SIMC1: variants seen among roughly 807,000 people sequenced by gnomAD.
SIMC1 encodes the protein SUMO-interacting motif-containing protein 1.
A neutral mutation model predicts 82.3 loss-of-function variants in SIMC1; 55 were observed. The ratio of observed to expected loss-of-function variants is 0.67; its 90% CI spans 0.54 to 0.84. The LOEUF (loss-of-function observed/expected upper bound fraction) is 0.84. Among genes scored for constraint, SIMC1 ranks in the 40% least tolerant of loss-of-function variants. SIMC1 has a pLI of 0.00. For synonymous variants in SIMC1, 353 were observed against 426.3 expected (o/e 0.83, Z 2.12); for missense variants, 915 against 1,107.2 (o/e 0.83, Z 2.46).
intron 1 of SIMC1, among the ~76,000 whole-genome samples, chr5:176,262,437 G>A (rs1242890439): frequency 2.6e-5 from 4 of 152,004 alleles, no homozygotes; most frequent in Admixed American, 2.0e-4. Flanking sequence ...AGGCAAGGAT[G>A]TCTCCTCACT....
chr5:176,288,565 G>A (rs74660010), intron 1 of SIMC1, among the ~76,000 whole-genome samples: 1 of 152,080 alleles, frequency 6.6e-6, no homozygotes, highest in Non-Finnish European at 1.5e-5. Context: ...TTGCCATTGA[G>A]AGCCAAGCCA....
intron 4 of SIMC1, among the ~76,000 whole-genome samples, chr5:176,304,074 ACTT>A (rs1764163836): frequency 6.6e-6 from 1 of 152,238 alleles, no homozygotes; most frequent in African/African-American, 2.4e-5. Context: ...AAACTTCAGA[ACTT>A]CTGTGCATCA....
rs144012095 is a variant in SIMC1 at position 176,315,146 on chromosome 5, C to T, written c.1889+1301C>T. 1.3e-3 allele frequency among the ~76,000 whole-genome samples: 193 copies of T among 152,258 alleles called. 1 individual carries two copies. Among genetic ancestry groups the T allele is most frequent in the African/African-American group, 4.5e-3 (187 of 41,534 alleles). ...AGAGGTTTATTGGCTTACAATTCTA[C>T]AAGTTGTACAAGAAGCGTGGCTCCA... On this transcript the variant is annotated intron_variant, in intron 5 of 9. Transcript: ENST00000429602.
intron 1 of SIMC1, among the ~76,000 whole-genome samples, chr5:176,287,688 T>A (rs891740985): frequency 4.2e-5 from 6 of 142,434 alleles, no homozygotes; most frequent in Non-Finnish European, 6.2e-5. Flanking sequence ...CTTAAAAAAA[T>A]AAAATAAATT....
intron 9 of SIMC1, among the ~76,000 whole-genome samples, chr5:176,338,499 T>C (rs1234709552): frequency 1.3e-5 from 2 of 152,142 alleles, no homozygotes; most frequent in African/African-American, 2.4e-5. Flanking sequence ...GGTAAAACTT[T>C]AGTAGATTAG....
rs1420335942 is a variant in SIMC1 at position 176,240,937 on chromosome 5, G to A, written c.129+2300G>A. On this transcript the variant is annotated intron_variant, in intron 1 of 9. Transcript: ENST00000429602. ...ACTTTTTGTGTTGTTTCTAAGCCCA[G>A]GCCTGTCCCTCTTGAGCTTCACAGG... Among the ~76,000 whole-genome samples, 3 of 89,882 alleles carry A rather than the reference G, an allele frequency of 3.3e-5. 1 individual carries two copies. Among genetic ancestry groups the A allele is most frequent in the South Asian group, 6.8e-4 (2 of 2,946 alleles). The allele number at this position is 89,882 out of a possible 152,430, so 59.0% of individuals were successfully genotyped here.
chr5:176,246,262 G>A (rs1412692227), intron 1 of SIMC1, among the ~76,000 whole-genome samples: 10 of 151,806 alleles, frequency 6.6e-5, no homozygotes, highest in African/African-American at 2.4e-4. Flanking sequence ...CACCCACCTC[G>A]ACCTCCCAAA....
At chr5:176,265,239 A>G (rs1762156139) in intron 1 of SIMC1, among the ~76,000 whole-genome samples, 1 of 150,728 alleles carries the variant, frequency 6.6e-6, no homozygotes, top group African/African-American at 2.4e-5. Context: ...CTTCAGGAGT[A>G]TAGCCAACTT....
intron 4 of SIMC1, among the ~76,000 whole-genome samples, chr5:176,309,815 C>T (rs1045287891): frequency 6.6e-6 from 1 of 152,046 alleles, no homozygotes; most frequent in Non-Finnish European, 1.5e-5. Context: ...ATGACACACA[C>T]CAGTAGTCCC....
chr5:176,325,561 C>CT (rs1259864349), intron 7 of SIMC1, among the ~76,000 whole-genome samples: 3 of 151,816 alleles, frequency 2.0e-5, no homozygotes, highest in Non-Finnish European at 4.4e-5. Flanking sequence ...TGGTAGGCGC[C>CT]TGTAGTCCCA....
At chr5:176,295,324 C>T (rs540051240) in intron 3 of SIMC1, 62 bp downstream of exon 3, 1 of 1,508,692 alleles carries the variant, frequency 6.6e-7, no homozygotes, top group African/African-American at 1.4e-5. Context: ...CAGGGCATAG[C>T]TTTCTCTTGA....
chr5:176,287,814 A>G (rs1416228978), intron 1 of SIMC1, among the ~76,000 whole-genome samples: 1 of 152,132 alleles, frequency 6.6e-6, no homozygotes, highest in African/African-American at 2.4e-5. Context: ...AATCAAGTAT[A>G]TTTATATTAG....
chr5:176,324,571 A>C, intron 6 of SIMC1, 58 bp from the exon 7 acceptor site: 2 of 1,566,958 alleles, frequency 1.3e-6, no homozygotes, highest in Non-Finnish European at 1.7e-6. Context: ...CCTCCCAGCC[A>C]GAGAGTGGCT....
chr5:176,280,501 T>C (rs1217223135), intron 1 of SIMC1, among the ~76,000 whole-genome samples: 2 of 152,144 alleles, frequency 1.3e-5, no homozygotes, highest in Admixed American at 6.6e-5. Flanking sequence ...GTTATTTTGC[T>C]CGTTAGTTGA....
chr5:176,287,574 A>G (rs1763347316), intron 1 of SIMC1, among the ~76,000 whole-genome samples: 2 of 152,208 alleles, frequency 1.3e-5, no homozygotes, highest in Admixed American at 6.5e-5. Context: ...GCACATGTAC[A>G]CATATGTAAC....
chr5:176,251,797 T>A (rs1170199484), intron 1 of SIMC1, among the ~76,000 whole-genome samples: 1 of 150,980 alleles, frequency 6.6e-6, no homozygotes, highest in East Asian at 1.9e-4. Context: ...ACGAGCATGC[T>A]GCCTTCAAGC....
At chr5:176,329,480 A>T (rs1332562897) in intron 7 of SIMC1, among the ~76,000 whole-genome samples, 1 of 140,640 alleles carries the variant, frequency 7.1e-6, no homozygotes, top group Non-Finnish European at 1.5e-5. Context: ...TGGGCGAAAG[A>T]GCGAGACTCC....
At position 176,295,150 on chromosome 5, in the gene SIMC1, C is replaced by A. The variant is rs2113280628; in HGVS notation, c.1552C>A (p.His518Asn). The change falls in exon 3 of 10, where the codon CAT (histidine) becomes AAT (asparagine). Residue 518 changes from histidine to asparagine, a missense_variant. His to Asn is a moderately conservative substitution (Grantham distance 68). Transcript: ENST00000429602. ...TTTGATGGACTTTGTGTCACCCCAG[C>A]ATTACCCACCAAGAGAAATCGTGGC... ...QFLMDFVSPQ[H>N]YPPREIVAHI... The A allele has an allele frequency of 5.0e-6, 8 of 1,613,624 alleles. No homozygotes were observed. Among genetic ancestry groups the A allele is most frequent in the Middle Eastern group, 1.7e-4 (1 of 6,056 alleles).
At position 176,305,147 on chromosome 5, in the gene SIMC1, G is replaced by A. The variant is rs867594409; in HGVS notation, c.1735-8544G>A. Among the ~76,000 whole-genome samples, 190 of 108,082 alleles carry A rather than the reference G, an allele frequency of 1.8e-3. 14 individuals carry two copies. Among genetic ancestry groups the A allele is most frequent in the African/African-American group, 5.7e-3 (180 of 31,416 alleles). 70.9% of individuals were successfully genotyped at this position (108,082 alleles called of 152,430 possible). A position where few individuals can be genotyped will look rare whatever the true frequency, so the allele number is the denominator to read the frequency against. On this transcript the variant is annotated intron_variant, in intron 4 of 9. Coordinates refer to ENST00000429602, the MANE Select transcript of SIMC1 (RefSeq NM_001308195.2). ...CCGTGCCATCCAGGAGGGGGGGGGG[G>A]TCAGCCCCCCGCCTGGCCAGCCGTG... is the stretch of plus-strand genomic sequence containing the variant.
Sources: allele counts gnomAD v4.1 joint callset (sites outside exome capture counted in the v4.1 genomes callset), GRCh38; gene constraint gnomAD v4.1.1; transcripts MANE v1.5; gene names NCBI Gene and HGNC (gene_info 2026-07-23, HGNC 2026-07-21).